Variants in DACH1 observed in about 807,000 individuals in gnomAD.
DACH1 encodes the protein dachshund homolog 1.
Under a neutral mutation model 54.2 loss-of-function variants are expected in DACH1, and 12 were observed. The observed-to-expected ratio is 0.22, with a 90% CI of 0.14 to 0.36. DACH1 has a LOEUF of 0.36. Among genes scored for constraint, DACH1 ranks in the 10% least tolerant of loss-of-function variants. DACH1 has a pLI of 1.00. For synonymous variants in DACH1, 386 were observed against 366.2 expected (o/e 1.05, Z -0.62); for missense variants, 805 against 929.8 (o/e 0.87, Z 1.75).
At chr13:71,837,697 C>T (rs1289722917) in intron 1 of DACH1, among the ~76,000 whole-genome samples, 1 of 121,306 alleles carries the variant, frequency 8.2e-6, no homozygotes, top group East Asian at 6.5e-4. Flanking sequence ...AATCATGCTG[C>T]TATAAAGACA....
At chr13:71,467,893 T>C (rs557234331) in intron 10 of DACH1, among the ~76,000 whole-genome samples, 2 of 152,172 alleles carry the variant, frequency 1.3e-5, no homozygotes, top group Non-Finnish European at 2.9e-5. Flanking sequence ...GTAATACCCA[T>C]GGTGATTACT....
intron 7 of DACH1, among the ~76,000 whole-genome samples, chr13:71,485,076 A>G (rs921582143): frequency 2.0e-5 from 3 of 151,718 alleles, no homozygotes; most frequent in Admixed American, 6.6e-5. Context: ...AAAAAAAAAG[A>G]AAAAAGAGTA....
chr13:71,793,374 A>G (rs1886911466), intron 1 of DACH1, among the ~76,000 whole-genome samples: 1 of 152,184 alleles, frequency 6.6e-6, no homozygotes, highest in Non-Finnish European at 1.5e-5. Context: ...TTCAAAATGG[A>G]AGAATCTGAA....
At chr13:71,636,944 T>C (rs1877529037) in intron 2 of DACH1, among the ~76,000 whole-genome samples, 1 of 152,202 alleles carries the variant, frequency 6.6e-6, no homozygotes, top group South Asian at 2.1e-4. Flanking sequence ...AAATGGGCTA[T>C]TGTTAAAAAT....
rs114738818 is a variant in DACH1 at position 71,830,023 on chromosome 13, A to G, written c.848+35899T>C. Reference sequence around the variant, plus strand: ...GTAAAAATAGAGGAGTAGTTCCACTATAAATGATCAATGATATGTTTTCTA... The same window carrying G: ...GTAAAAATAGAGGAGTAGTTCCACTGTAAATGATCAATGATATGTTTTCTA... On this transcript the variant is annotated intron_variant, in intron 1 of 10. Transcript: ENST00000613252. 5.3e-3 allele frequency among the ~76,000 whole-genome samples: 813 copies of G among 152,028 alleles called. 10 individuals carry two copies. The highest frequency in any genetic ancestry group is 0.019 in the African/African-American group (774 of 41,536).
intron 2 of DACH1, among the ~76,000 whole-genome samples, chr13:71,666,268 A>G (rs1229763090): frequency 1.3e-5 from 2 of 152,196 alleles, no homozygotes; most frequent in Non-Finnish European, 2.9e-5. Flanking sequence ...CTTAATAAAT[A>G]TGCTTTATAA....
intron 1 of DACH1, among the ~76,000 whole-genome samples, chr13:71,700,231 C>T (rs978239610): frequency 5.9e-5 from 9 of 152,038 alleles, no homozygotes. Context: ...AAAAATTGAT[C>T]TTAGTAAAAA....
At chr13:71,771,026 C>A (rs1885831101) in intron 1 of DACH1, among the ~76,000 whole-genome samples, 1 of 151,524 alleles carries the variant, frequency 6.6e-6, no homozygotes, top group South Asian at 2.1e-4. Flanking sequence ...TAAAAATAAA[C>A]CTTGATTAAA....
intron 1 of DACH1, among the ~76,000 whole-genome samples, chr13:71,708,063 T>C (rs1412218546): frequency 6.6e-6 from 1 of 151,634 alleles, no homozygotes; most frequent in Non-Finnish European, 1.5e-5. Context: ...AATAAAGCAC[T>C]TAAGTTTTAT....
chr13:71,482,966 T>G (rs933278433), intron 7 of DACH1, among the ~76,000 whole-genome samples: 3 of 151,804 alleles, frequency 2.0e-5, no homozygotes, highest in Non-Finnish European at 4.4e-5. Flanking sequence ...ATACCCGGCT[T>G]ATTTTTTTGT....
chr13:71,748,941 T>C (rs1375473443), intron 1 of DACH1, among the ~76,000 whole-genome samples: 1 of 50,442 alleles, frequency 2.0e-5, no homozygotes, highest in Admixed American at 1.9e-4. Context: ...TCTTTCTTTC[T>C]TTCTTTCTTT....
intron 7 of DACH1, among the ~76,000 whole-genome samples, chr13:71,482,789 G>A (rs1878150487): frequency 7.2e-6 from 1 of 139,092 alleles, no homozygotes; most frequent in African/African-American, 2.6e-5. Context: ...AGTATCAACT[G>A]ACAGTTTTTT....
At chr13:71,748,875 TTTC>T (rs144357210) in intron 1 of DACH1, among the ~76,000 whole-genome samples, 1,445 of 108,054 alleles carry the variant, frequency 0.013, 31 homozygotes, top group African/African-American at 0.057. Flanking sequence ...TCTTTCTTTC[TTTC>T]TTTCTTTCTT....
intron 4 of DACH1, among the ~76,000 whole-genome samples, chr13:71,568,097 AG>A (rs1325125614): frequency 1.3e-5 from 2 of 152,054 alleles, no homozygotes; most frequent in Non-Finnish European, 2.9e-5. Context: ...AATGATACAA[AG>A]GTGGCATAAA....
At chr13:71,578,806 C>T (rs1208628394) in intron 3 of DACH1, among the ~76,000 whole-genome samples, 3 of 152,028 alleles carry the variant, frequency 2.0e-5, no homozygotes, top group African/African-American at 4.8e-5. Context: ...AAATAATGTC[C>T]GCAGAGTAGG....
intron 1 of DACH1, among the ~76,000 whole-genome samples, chr13:71,781,350 A>T (rs761960031): frequency 6.9e-4 from 53 of 76,718 alleles, no homozygotes; most frequent in Non-Finnish European, 1.2e-3. Flanking sequence ...TTTTATTTTT[A>T]TTTATTTATT....
intron 1 of DACH1, among the ~76,000 whole-genome samples, chr13:71,810,227 G>A (rs751442824): frequency 9.2e-5 from 14 of 152,054 alleles, no homozygotes; most frequent in Non-Finnish European, 1.2e-4. Context: ...CACTTAGAAA[G>A]AATTAATCCA....
intron 6 of DACH1, among the ~76,000 whole-genome samples, chr13:71,492,495 A>T (rs902973752): frequency 1.3e-5 from 2 of 152,132 alleles, no homozygotes; most frequent in African/African-American, 4.8e-5. Context: ...CTGGAAGCTA[A>T]AAGAGATAAA....
intron 1 of DACH1, among the ~76,000 whole-genome samples, chr13:71,830,394 A>G (rs1008974391): frequency 1.3e-5 from 2 of 151,874 alleles, no homozygotes; most frequent in Non-Finnish European, 2.9e-5. Context: ...AATGTTTTCT[A>G]TATTCAAAAA....
Sources: allele counts gnomAD v4.1 joint callset (sites outside exome capture counted in the v4.1 genomes callset), GRCh38; gene constraint gnomAD v4.1.1; transcripts MANE v1.5; gene names NCBI Gene and HGNC (gene_info 2026-07-23, HGNC 2026-07-21).